CLOCK: variants seen among roughly 807,000 people sequenced by gnomAD.
The protein encoded by CLOCK is circadian locomoter output cycles protein kaput.
Under a neutral mutation model 118.4 loss-of-function variants are expected in CLOCK, and 43 were observed. The observed-to-expected ratio is 0.36, with a 90% CI of 0.28 to 0.47. The LOEUF is 0.47. Ranked by LOEUF, CLOCK falls within the 20% of genes least tolerant of loss-of-function variation. CLOCK has a pLI of 1.00. For missense variants in CLOCK, 846 were observed against 999.9 expected (o/e 0.85, Z 2.08); for synonymous variants, 326 against 339.2 (o/e 0.96, Z 0.43).
chr4:55,453,625 A>C, intron 14 of CLOCK, 52 bp downstream of exon 14: 1 of 1,547,328 alleles, frequency 6.5e-7, no homozygotes, highest in South Asian at 1.1e-5. Context: ...ACAATGCCAA[A>C]ATCATCATAG....
At position 55,515,431 on chromosome 4, in the gene CLOCK, G is replaced by A. The variant is rs1247095711; in HGVS notation, c.-289-5366C>T. Among the ~76,000 whole-genome samples, 4 of 152,298 alleles carry A rather than the reference G, an allele frequency of 2.6e-5. No homozygotes were observed. In the East Asian group the frequency reaches 5.8e-4, roughly 22 times the overall value. ...GCTCTGTCACCCAGGCTGGAGTGCA[G>A]TGGCACAATCTCGGCTCACTGCAGC... On this transcript the variant is annotated intron_variant, in intron 1 of 22. Transcript: ENST00000513440.
At chr4:55,456,050 A>G (rs754306522) in intron 12 of CLOCK, 47 bp from the exon 13 acceptor site, 1 of 1,464,740 alleles carries the variant, frequency 6.8e-7, no homozygotes, top group Admixed American at 1.7e-5. Context: ...TTCCATAATA[A>G]GAAATATTTC....
chr4:55,438,211 T>C, intron 22 of CLOCK, 71 bp downstream of exon 22: 3 of 1,542,160 alleles, frequency 1.9e-6, no homozygotes, highest in Non-Finnish European at 2.7e-6. Flanking sequence ...CACAAATCTG[T>C]TCACTTAATG....
At chr4:55,519,110 G>A (rs1180169919) in intron 1 of CLOCK, among the ~76,000 whole-genome samples, 1 of 152,010 alleles carries the variant, frequency 6.6e-6, no homozygotes, top group African/African-American at 2.4e-5. Flanking sequence ...GGAGTGCAAT[G>A]GAGCAATCAT....
In CLOCK at chr4:55,435,190, T is replaced by C; in HGVS notation, c.*225A>G. ...AAATATCCAGGCACCTAAAACACTG[T>C]CAGAACTGGCTATGCCCCTATGATC... On this transcript the variant is annotated 3_prime_UTR_variant, in exon 23 of 23. Transcript: ENST00000513440. The C allele has an allele frequency of 1.8e-6, 1 of 562,604 alleles. No individual in the cohort carries two copies. The highest frequency in any genetic ancestry group is 2.1e-5 in the South Asian group (1 of 48,710). 34.9% of individuals were successfully genotyped at this position (562,604 alleles called of 1,614,324 possible).
chr4:55,502,053 CCT>C (rs1309340531), intron 2 of CLOCK, among the ~76,000 whole-genome samples: 4 of 152,104 alleles, frequency 2.6e-5, no homozygotes, highest in East Asian at 1.9e-4. Context: ...AACAAAACGC[CCT>C]GAGAGAAATT....
At chr4:55,464,839 A>C (rs982995206) in intron 8 of CLOCK, among the ~76,000 whole-genome samples, 1 of 152,010 alleles carries the variant, frequency 6.6e-6, no homozygotes, top group African/African-American at 2.4e-5. Flanking sequence ...AACCGCAATC[A>C]CTTTTGCACC....
chr4:55,499,347 T>C, intron 2 of CLOCK, among the ~76,000 whole-genome samples: 1 of 152,226 alleles, frequency 6.6e-6, no homozygotes, highest in East Asian at 1.9e-4. Context: ...GCGACTGGTT[T>C]CATGCAATAC....
chr4:55,447,791 C>T (rs1723994161), intron 18 of CLOCK, among the ~76,000 whole-genome samples: 1 of 152,090 alleles, frequency 6.6e-6, no homozygotes, highest in Non-Finnish European at 1.5e-5. Flanking sequence ...ATTGTTTTCA[C>T]CTATTATTAA....
chr4:55,443,952 G>C (rs1476784542), intron 19 of CLOCK, 56 bp from the exon 20 acceptor site: 1 of 1,508,170 alleles, frequency 6.6e-7, no homozygotes, highest in Non-Finnish European at 9.1e-7. Context: ...AGAAGAATGA[G>C]CATTAAAAAG....
chr4:55,510,777 T>G (rs930547695), intron 1 of CLOCK, among the ~76,000 whole-genome samples: 7 of 151,336 alleles, frequency 4.6e-5, no homozygotes, highest in Admixed American at 2.6e-4. Flanking sequence ...AATGGCTAGG[T>G]GTAGGTGAAA....
At chr4:55,490,873 A>C (rs1443386437) in intron 2 of CLOCK, among the ~76,000 whole-genome samples, 1 of 152,148 alleles carries the variant, frequency 6.6e-6, no homozygotes, top group Non-Finnish European at 1.5e-5. Context: ...CATTCCACCC[A>C]ACAACAGCAG....
chr4:55,444,590 A>T (rs1258906167), intron 19 of CLOCK, 43 bp downstream of exon 19: 1 of 1,612,988 alleles, frequency 6.2e-7, no homozygotes, highest in Admixed American at 1.7e-5. Flanking sequence ...GAAATCCAAA[A>T]TGTGAATGGG....
In CLOCK at chr4:55,427,986, G is replaced by A. The variant is rs536782126; in HGVS notation, c.*7429C>T. The A allele has an allele frequency of 9.2e-5, 14 of 152,294 alleles. No homozygotes were observed. The highest frequency in any genetic ancestry group is 3.4e-4 in the African/African-American group (14 of 41,564). The allele number at this position is 152,294 out of a possible 1,614,324, so 9.4% of individuals were successfully genotyped here. ...ACAAGTTATGTGCCACATGAAGCAGGTGTTATTTTTTGAGAAATGCAGGTG... is the reference window on the plus strand; with the variant it reads ...ACAAGTTATGTGCCACATGAAGCAGATGTTATTTTTTGAGAAATGCAGGTG... On this transcript the variant is annotated 3_prime_UTR_variant, in exon 23 of 23. Coordinates refer to ENST00000513440, the MANE Select transcript of CLOCK (RefSeq NM_004898.4).
At chr4:55,515,082 G>A (rs1489340327) in intron 1 of CLOCK, among the ~76,000 whole-genome samples, 1 of 152,136 alleles carries the variant, frequency 6.6e-6, no homozygotes, top group East Asian at 1.9e-4. Flanking sequence ...GGCCTATTCA[G>A]ATTGTCTACT....
At chr4:55,473,585 A>G (rs10031586) in intron 7 of CLOCK, among the ~76,000 whole-genome samples, 12,300 of 152,224 alleles carry the variant, frequency 0.081, 1,669 homozygotes, top group African/African-American at 0.28. Context: ...AGACGTGGCT[A>G]TAATCTATTT....
Position 55,478,772 on chromosome 4 carries a change from A to G in CLOCK, c.256+43T>C, listed in dbSNP as rs762680197. The G allele has an allele frequency of 9.4e-6, 15 of 1,589,144 alleles. No homozygotes were observed. In the Admixed American group the frequency reaches 2.5e-4, roughly 27 times the overall value. The stretch of plus-strand genomic sequence containing the variant: ...AGCATCTCTGCCAAGATTCTAACTA[A>G]TGCTTTGAGAGTCTGTTCCATTTTA... On this transcript the variant is annotated intron_variant, in intron 6 of 22. Transcript: ENST00000513440.
intron 7 of CLOCK, among the ~76,000 whole-genome samples, chr4:55,473,832 C>T (rs764314233): frequency 5.9e-5 from 9 of 152,038 alleles, no homozygotes; most frequent in African/African-American, 7.3e-5. Context: ...AATGGTGATT[C>T]GCCCACATAA....
rs562262123 is a variant in CLOCK at position 55,539,720 on chromosome 4, C to T, written c.-290+7062G>A. 1.7e-4 allele frequency among the ~76,000 whole-genome samples: 25 copies of T among 149,718 alleles called. No individual in the cohort carries two copies. The East Asian group carries it at 4.9e-3, about 30-fold the overall frequency. The stretch of plus-strand genomic sequence containing the variant: ...GTATTATTATCCTAAAAATTGAAAA[C>T]AACTTCAATGTCCAACAGAAGATTG... On this transcript the variant is annotated intron_variant, in intron 1 of 22. Coordinates refer to ENST00000513440, the MANE Select transcript of CLOCK (RefSeq NM_004898.4).
Sources: allele counts gnomAD v4.1 joint callset (sites outside exome capture counted in the v4.1 genomes callset), GRCh38; gene constraint gnomAD v4.1.1; transcripts MANE v1.5; gene names NCBI Gene and HGNC (gene_info 2026-07-23, HGNC 2026-07-21).